The following ELMO2 variants were observed in gnomAD, a reference collection of about 807,000 sequenced individuals.
ELMO2 encodes the protein engulfment and cell motility protein 2.
Under a neutral mutation model 96.2 loss-of-function variants are expected in ELMO2, and 37 were observed. That is an observed-to-expected ratio of 0.38 (90% confidence interval 0.30 to 0.51). The LOEUF (loss-of-function observed/expected upper bound fraction) is 0.51, where lower values mean the gene tolerates loss of function less well. Ranked by LOEUF, ELMO2 falls within the 20% of genes least tolerant of loss-of-function variation. The pLI is 0.88. For synonymous variants in ELMO2, 315 were observed against 329.4 expected, an observed-to-expected ratio of 0.96 and a Z score of 0.47; for missense variants, 561 against 912.6, an observed-to-expected ratio of 0.61 and a Z score of 4.96.
rs778059596 is a variant in ELMO2 at position 46,374,339 on chromosome 20, C to T, written c.1272G>A (p.Gly424=). The stretch of plus-strand genomic sequence containing the variant: ...GGAGCTGCAGAGACTTACGTAGTTC[C>T]CCAACCTGCAGGATTTCACAGAGCA... ...TKMLCEILQV[G]ELPNEGRNDY... is the part of the protein sequence containing the mutation. Residue 424 remains glycine, a synonymous_variant, in exon 15 of 22, where the codon GGG becomes GGA. Coordinates refer to ENST00000290246, the MANE Select transcript of ELMO2 (RefSeq NM_133171.5). The T allele has an allele frequency of 1.9e-6, 3 of 1,613,776 alleles. No individual in the cohort carries two copies. The highest frequency in any genetic ancestry group is 2.5e-6 in the Non-Finnish European group (3 of 1,179,780).
intron 3 of ELMO2, 30 bp downstream of exon 3, chr20:46,394,375 G>A: frequency 6.2e-7 from 1 of 1,612,790 alleles, no homozygotes; most frequent in Non-Finnish European, 8.5e-7. Flanking sequence ...GCCTTTCCTT[G>A]AACCACTGCT....
At chr20:46,405,077 C>T (rs1470613829) in intron 1 of ELMO2, among the ~76,000 whole-genome samples, 4 of 152,162 alleles carry the variant, frequency 2.6e-5, no homozygotes, top group Non-Finnish European at 4.4e-5. Flanking sequence ...TTGCCTGGCC[C>T]TGTGTGAGAT....
At chr20:46,383,642 C>T in intron 9 of ELMO2, 148 bp from the exon 10 acceptor site, 4 of 731,294 alleles carry the variant, frequency 5.5e-6, no homozygotes, top group Non-Finnish European at 9.4e-6. Context: ...TGGGCATGCT[C>T]TTGACCCAGC....
rs370937421 is a variant in ELMO2, at chr20:46,371,919, G to C, written c.1467C>G (p.Pro489=). The change falls in exon 17 of 22, where the codon CCC becomes CCG. Residue 489 remains proline, a synonymous_variant. Coordinates refer to ENST00000290246, the MANE Select transcript of ELMO2 (RefSeq NM_133171.5). The surrounding 1 kb of genome is among the most constrained non-coding windows in gnomAD (Gnocchi z 5.9). ...TGCTCTTGAACTGATCCAAAGAGTTGGGTTTGGAGGGCAAAGCTCGAGTGA... is the reference window on the plus strand; with the variant it reads ...TGCTCTTGAACTGATCCAAAGAGTTCGGTTTGGAGGGCAAAGCTCGAGTGA... ...EQITRALPSK[P]NSLDQFKSKL... is the part of the protein sequence containing the mutation. The C allele has an allele frequency of 6.2e-7, 1 of 1,614,140 alleles. No individual in the cohort carries two copies. The highest frequency in any genetic ancestry group is 8.5e-7 in the Non-Finnish European group (1 of 1,180,034).
chr20:46,390,751 T>G (rs2060136567), intron 6 of ELMO2: 1 of 152,242 alleles, frequency 6.6e-6, no homozygotes, highest in African/African-American at 2.4e-5. Flanking sequence ...TTCTCAGTGT[T>G]AAGCAAGTGA....
Position 46,389,018 on chromosome 20 carries a change from C to T in ELMO2, c.425+21G>A, listed in dbSNP as rs149211233. The T allele has an allele frequency of 5.3e-4, 847 of 1,604,474 alleles. 6 individuals are homozygous for T. In the African/African-American group the frequency reaches 8.9e-3, roughly 17 times the overall value. The stretch of plus-strand genomic sequence containing the variant: ...TAGTAAATCGTCGAAGTCCTTGGAA[C>T]GAGACCTTAGTCATACTCACTGGGA... On this transcript the variant is annotated intron_variant, in intron 7 of 21. Transcript: ENST00000290246.
intron 6 of ELMO2, 94 bp downstream of exon 6, chr20:46,392,999 A>T (rs1283000433): frequency 2.7e-6 from 3 of 1,108,088 alleles, no homozygotes; most frequent in Non-Finnish European, 4.1e-6. Flanking sequence ...TCTTATCTCC[A>T]GAGTACTTAT....
At chr20:46,384,450 G>A (rs1466119951) in intron 9 of ELMO2, among the ~76,000 whole-genome samples, 1 of 152,008 alleles carries the variant, frequency 6.6e-6, no homozygotes, top group Non-Finnish European at 1.5e-5. Flanking sequence ...AAGCATATAA[G>A]TTCTGGTGAC....
intron 10 of ELMO2, among the ~76,000 whole-genome samples, chr20:46,381,888 C>G (rs2059963230): frequency 6.6e-6 from 1 of 152,194 alleles, no homozygotes; most frequent in South Asian, 2.1e-4. Context: ...GTGACGCATC[C>G]ATGGTATTGT....
In ELMO2 at chr20:46,383,441, A is replaced by G; in HGVS notation, c.731T>C (p.Leu244Pro). ...YAIALINALF[L>P]KAPEDKRQDM... Reference sequence around the variant, plus strand: ...CTGTCGTTTGTCCTCAGGAGCCTTCAGAAAAAGTGCATTAATCAGTGCAAT... The same window carrying G: ...CTGTCGTTTGTCCTCAGGAGCCTTCGGAAAAAGTGCATTAATCAGTGCAAT... The change falls in exon 10 of 22, where the codon CTG becomes CCG. Residue 244 changes from leucine to proline, a missense_variant. Coordinates refer to ENST00000290246, the MANE Select transcript of ELMO2 (RefSeq NM_133171.5). The G allele has an allele frequency of 6.2e-7, 1 of 1,614,224 alleles. No individual in the cohort carries two copies. The highest frequency in any genetic ancestry group is 8.5e-7 in the Non-Finnish European group (1 of 1,180,024).
At chr20:46,369,957 TGG>T (rs199858824) in intron 20 of ELMO2, 3,894 of 122,192 alleles carry the variant, frequency 0.032, 61 homozygotes, top group African/African-American at 0.075. Flanking sequence ...AAGATGGGTA[TGG>T]GGGTGTGTGT....
chr20:46,392,505 A>G (rs1222595539), intron 6 of ELMO2, among the ~76,000 whole-genome samples: 2 of 152,170 alleles, frequency 1.3e-5, no homozygotes, highest in Non-Finnish European at 2.9e-5. Flanking sequence ...TCTTTCTAAA[A>G]CTTAAAATCT....
At chr20:46,369,229 C>T (rs2059645111) in intron 20 of ELMO2, 1 of 408,296 alleles carries the variant, frequency 2.4e-6, no homozygotes, top group African/African-American at 2.0e-5. Flanking sequence ...TTTCAACACT[C>T]AGAACCCTGG....
intron 7 of ELMO2, among the ~76,000 whole-genome samples, chr20:46,388,373 A>G (rs1368441392): frequency 1.3e-5 from 2 of 152,190 alleles, no homozygotes; most frequent in Non-Finnish European, 2.9e-5. Context: ...ATGGGCTGAG[A>G]AGATTTCTGA....
intron 6 of ELMO2, chr20:46,390,876 T>A (rs1173663741): frequency 1.3e-5 from 2 of 152,246 alleles, no homozygotes; most frequent in Admixed American, 1.3e-4. Context: ...CTCTCTGCAA[T>A]ACAGAAGCCC....
intron 4 of ELMO2, 172 bp downstream of exon 4, chr20:46,393,877 G>C: frequency 1.1e-6 from 1 of 913,372 alleles, no homozygotes; most frequent in Non-Finnish European, 1.6e-6. Context: ...AAGTATAAAC[G>C]TCTTAGGGGT....
intron 11 of ELMO2, among the ~76,000 whole-genome samples, chr20:46,378,969 C>T (rs1479256624): frequency 6.6e-6 from 1 of 152,106 alleles, no homozygotes; most frequent in Non-Finnish European, 1.5e-5. Context: ...CCCAGGTTTC[C>T]CTTGTTTCTG....
chr20:46,389,050 C>T lies in ELMO2; in HGVS notation c.414G>A (p.Lys138=), dbSNP rs1430754850. 1 of 1,613,796 alleles carries T rather than the reference C, an allele frequency of 6.2e-7. No homozygotes were observed. The highest frequency in any genetic ancestry group is 1.1e-5 in the South Asian group (1 of 91,060). ...TTAGTCATACTCACTGGGACAAGAG[C>T]TTGGTTCCACTTTCCACGAGCCTTG... ...VLTRLVESGT[K]LLSHYSEMLA... is the part of the protein sequence containing the mutation. The change falls in exon 7 of 22, where the codon AAG becomes AAA. Residue 138 remains lysine, a synonymous_variant. Transcript: ENST00000290246.
intron 1 of ELMO2, among the ~76,000 whole-genome samples, chr20:46,399,469 G>A (rs1259716168): frequency 2.6e-5 from 4 of 152,140 alleles, no homozygotes; most frequent in African/African-American, 7.2e-5. Context: ...AGCCTAGTTC[G>A]GATGTTACCT....
Sources: gnomAD v4.1 joint callset for allele counts (sites outside exome capture counted in the v4.1 genomes callset) on GRCh38, gnomAD v4.1.1 for gene constraint, Gnocchi (gnomAD v3.1) non-coding constraint, MANE v1.5 for transcripts, NCBI Gene and HGNC (gene_info 2026-07-23, HGNC 2026-07-21) for gene names.